The following CHMP4A variants were observed in gnomAD, a reference collection of about 807,000 sequenced individuals.
The protein encoded by CHMP4A is SNF7 homolog associated with Alix-2.
CHMP4A carries 29 observed loss-of-function variants against 28.2 expected under a neutral mutation model. The observed-to-expected ratio is 1.03, with a 90% CI of 0.77 to 1.40. The LOEUF (loss-of-function observed/expected upper bound fraction) is 1.40. Among genes scored for constraint, CHMP4A ranks in the 40% most tolerant of loss-of-function variants. The pLI is 0.00. For missense variants in CHMP4A, 241 were observed against 263.5 expected (o/e 0.91, Z 0.59); for synonymous variants, 88 against 99.3 (o/e 0.89, Z 0.67).
At chr14:24,211,883 C>T (rs912781516) in intron 1 of CHMP4A, 54 bp from the exon 2 acceptor site, 21 of 1,516,836 alleles carry the variant, frequency 1.4e-5, no homozygotes, top group Non-Finnish European at 1.7e-5. Context: ...ATATTAGCCA[C>T]CAATCATTGA....
Position 24,211,695 on chromosome 14 carries a change from T to C in CHMP4A, c.166A>G (p.Thr56Ala). 6.2e-7 allele frequency: 1 copy of C among 1,614,168 alleles called. No individual in the cohort carries two copies. Among genetic ancestry groups the C allele is most frequent in the African/African-American group, 1.3e-5 (1 of 75,032 alleles). Residue 56 changes from threonine (T) to alanine (A), a missense_variant, in exon 2 of 6, where the codon ACC becomes GCC. Transcript: ENST00000347519. Reference sequence around the variant, plus strand: ...CCCTCATTACCTCTCTTATTCTTGGTCCCATACTTCTTGGCTGTTTGTAGC... The same window carrying C: ...CCCTCATTACCTCTCTTATTCTTGGCCCCATACTTCTTGGCTGTTTGTAGC... ...QELQTAKKYG[T>A]KNKRAALQAL...
At position 24,209,833 on chromosome 14, in the gene CHMP4A, A is replaced by G. The variant is rs2039574850; in HGVS notation, c.*44T>C. ...GCTCAGCACTTGGCACTTAAGGAAG[A>G]AAGGACCAACAAAGGTAGCATTAGG... On this transcript the variant is annotated 3_prime_UTR_variant, in exon 6 of 6. Transcript: ENST00000347519. 1 of 1,580,974 alleles carries G rather than the reference A, an allele frequency of 6.3e-7. No individual in the cohort carries two copies. The highest frequency in any genetic ancestry group is 1.7e-5 in the Admixed American group (1 of 59,958).
Position 24,211,564 on chromosome 14 carries a change from T to C in CHMP4A, c.210A>G (p.Lys70=). ...RAALQALRRK[K]RFEQQLAQTD... ...TTTGTGCCAGCTGCTGTTCGAATCT[T>C]TTCTTCCTCCGCAAAGCCTGTAGGG... Residue 70 remains lysine (K), a synonymous_variant, in exon 3 of 6, where the codon AAA becomes AAG. Transcript: ENST00000347519. 5.0e-6 allele frequency: 8 copies of C among 1,613,504 alleles called. No individual in the cohort carries two copies. The highest frequency in any genetic ancestry group is 6.8e-6 in the Non-Finnish European group (8 of 1,179,408).
At chr14:24,212,674 C>T (rs1176450682) in intron 1 of CHMP4A, 1 of 309,052 alleles carries the variant, frequency 3.2e-6, no homozygotes, top group Admixed American at 4.0e-5. Context: ...CCTGTCTCAG[C>T]CTCCCCCAGT....
At chr14:24,213,083 G>T in intron 1 of CHMP4A, 1 of 339,694 alleles carries the variant, frequency 2.9e-6, no homozygotes, top group Non-Finnish European at 5.4e-6. Context: ...AATGGCTGAA[G>T]ACAGCAGGAA....
chr14:24,213,198 G>C, intron 1 of CHMP4A: 1 of 544,472 alleles, frequency 1.8e-6, no homozygotes, highest in Non-Finnish European at 3.1e-6. Context: ...GGGGGAGGAC[G>C]GCGGACGGGA....
chr14:24,212,336 C>G (rs1344664571), intron 1 of CHMP4A, among the ~76,000 whole-genome samples: 1 of 152,136 alleles, frequency 6.6e-6, no homozygotes, highest in Admixed American at 6.5e-5. Context: ...CTCAGGTGAT[C>G]TGCCCGCCTC....
chr14:24,211,115 C>T lies in CHMP4A; in HGVS notation c.359+300G>A, dbSNP rs370750839. ...AGGAGAATCACTTGAACCCAGGAGG[C>T]GGAGGTTGCAGTGAGCCGAGATTGT... On this transcript the variant is annotated intron_variant, in intron 3 of 5. Transcript: ENST00000347519. 31 of 395,094 alleles carry T rather than the reference C, an allele frequency of 7.8e-5. No homozygotes were observed. The East Asian group carries it at 9.0e-4, about 12-fold the overall frequency. 24.5% of individuals were successfully genotyped at this position (395,094 alleles called of 1,614,324 possible).
chr14:24,210,441 A>T lies in CHMP4A; in HGVS notation c.517T>A (p.Leu173Met), dbSNP rs760132790. The change falls in exon 5 of 6, where the codon TTG becomes ATG. Residue 173 changes from leucine (L) to methionine (M), a missense_variant. Leu to Met is a conservative substitution (Grantham distance 15). Transcript: ENST00000347519. ...EELEELEQEE[L>M]AQELLNVGDK... ...CCCACATTTAACAACTCCTGGGCCA[A>T]TTCCTCCTGCTCCAGCTCCTCTAGC... The T allele has an allele frequency of 6.2e-7, 1 of 1,614,072 alleles. No homozygotes were observed.
rs1421894747 is a variant in CHMP4A, at chr14:24,213,451, C to T, written c.-12G>A. ...CCGAGACCACTCATCGCGAGCTCGC[C>T]TCTCCCGCCTCCGCCCCTCAGCGTC... On this transcript the variant is annotated 5_prime_UTR_variant, in exon 1 of 6. Transcript: ENST00000347519. 2 of 1,612,190 alleles carry T rather than the reference C, an allele frequency of 1.2e-6. No homozygotes were observed. The highest frequency in any genetic ancestry group is 1.7e-6 in the Non-Finnish European group (2 of 1,179,552).
intron 1 of CHMP4A, 62 bp downstream of exon 1, chr14:24,213,347 G>C (rs988080765): frequency 5.3e-5 from 77 of 1,466,234 alleles, no homozygotes; most frequent in Non-Finnish European, 6.4e-5. Context: ...AATCTCGCCG[G>C]GGTCTCCTCT....
chr14:24,211,503 C>T lies in CHMP4A; in HGVS notation c.271G>A (p.Glu91Lys). The change falls in exon 3 of 6, where the codon GAG becomes AAG. Residue 91 changes from glutamate to lysine, a missense_variant. Physicochemically the swap from Glu to Lys is moderately conservative, Grantham distance 56. Transcript: ENST00000347519. Reference sequence around the variant, plus strand: ...TTGGTAGTGGCATTCTCAATGGCCTCACGCTGAAACTCCAGGGTGGATAAT... The same window carrying T: ...TTGGTAGTGGCATTCTCAATGGCCTTACGCTGAAACTCCAGGGTGGATAAT... ...GTLSTLEFQR[E>K]AIENATTNAE... 3.7e-6 allele frequency: 6 copies of T among 1,614,142 alleles called. No homozygotes were observed. Among genetic ancestry groups the T allele is most frequent in the Non-Finnish European group, 5.1e-6 (6 of 1,180,000 alleles).
chr14:24,213,394 C>A lies in CHMP4A; in HGVS notation c.31+15G>T. The A allele has an allele frequency of 1.3e-6, 2 of 1,587,302 alleles. No individual in the cohort carries two copies. The highest frequency in any genetic ancestry group is 3.7e-5 in the Admixed American group (2 of 54,720). On this transcript the variant is annotated intron_variant, in intron 1 of 5. Coordinates refer to ENST00000347519, the MANE Select transcript of CHMP4A (RefSeq NM_014169.5). The stretch of plus-strand genomic sequence containing the variant: ...AGCCAGCGCCTCCTGGCTGGCCAGT[C>A]CCACCCTGGCTCACCCTTCCCGAAG...
intron 4 of CHMP4A, 53 bp from the exon 5 acceptor site, chr14:24,210,536 A>C (rs1011143206): frequency 8.7e-6 from 14 of 1,602,780 alleles, no homozygotes; most frequent in African/African-American, 4.0e-5. Flanking sequence ...TTCTACCTCC[A>C]AAAACATACC....
rs2039592057 is a variant in CHMP4A at position 24,211,674 on chromosome 14, C to A, written c.181+6G>T. On this transcript the variant is annotated splice_donor_region_variant and intron_variant, in intron 2 of 5. Transcript: ENST00000347519. ...GCCCTCCCCATAGGCTTGTTTCCCT[C>A]ATTACCTCTCTTATTCTTGGTCCCA... 6.2e-7 allele frequency: 1 copy of A among 1,613,564 alleles called. No homozygotes were observed. Among genetic ancestry groups the A allele is most frequent in the African/African-American group, 1.3e-5 (1 of 74,904 alleles).
At chr14:24,212,580 A>C (rs1194989742) in intron 1 of CHMP4A, 1 of 388,958 alleles carries the variant, frequency 2.6e-6, no homozygotes, top group Non-Finnish European at 4.9e-6. Flanking sequence ...TTGAGAATGG[A>C]GTCTCCCTCT....
Position 24,209,652 on chromosome 14 carries a change from T to C in CHMP4A, c.*225A>G, listed in dbSNP as rs566670263. The C allele has an allele frequency of 1.8e-6, 1 of 544,022 alleles. No homozygotes were observed. The highest frequency in any genetic ancestry group is 2.0e-5 in the South Asian group (1 of 49,260). The allele number at this position is 544,022 out of a possible 1,614,324, so 33.7% of individuals were successfully genotyped here. ...AGTTTTATTGGGAACAAGGGCATTATAACTGCTATCAAAGAGAAGGGAGCC... is the reference window on the plus strand; with the variant it reads ...AGTTTTATTGGGAACAAGGGCATTACAACTGCTATCAAAGAGAAGGGAGCC... On this transcript the variant is annotated 3_prime_UTR_variant, in exon 6 of 6. Transcript: ENST00000347519.
Position 24,210,373 on chromosome 14 carries a change from A to C in CHMP4A, c.585T>G (p.Pro195=), listed in dbSNP as rs1294878757. 1 of 1,613,948 alleles carries C rather than the reference A, an allele frequency of 6.2e-7. No individual in the cohort carries two copies. Among genetic ancestry groups the C allele is most frequent in the Non-Finnish European group, 8.5e-7 (1 of 1,180,014 alleles). ...EEPSVKLPSV[P]STHLPAGPAP... The stretch of plus-strand genomic sequence containing the variant: ...CTGGCCCTGCCGGCAGATGAGTAGA[A>C]GGTACACTAGGCAATTTGACTGAGG... Residue 195 remains proline, a synonymous_variant, in exon 5 of 6, where the codon CCT becomes CCG. Transcript: ENST00000347519.
intron 3 of CHMP4A, chr14:24,211,123 G>T (rs1486015352): frequency 2.5e-6 from 1 of 404,314 alleles, no homozygotes; most frequent in Non-Finnish European, 4.5e-6. Flanking sequence ...GGCGGAGGTT[G>T]CAGTGAGCCG....
Sources: gnomAD v4.1 joint callset for allele counts (sites outside exome capture counted in the v4.1 genomes callset) on GRCh38, gnomAD v4.1.1 for gene constraint, MANE v1.5 for transcripts, NCBI Gene and HGNC (gene_info 2026-07-23, HGNC 2026-07-21) for gene names.